The following TFEB variants were observed in gnomAD, a reference collection of about 807,000 sequenced individuals.
TFEB encodes the protein T-cell transcription factor EB.
In TFEB, 12 loss-of-function variants were observed where a neutral mutation model predicts 48.0. The observed-to-expected ratio is 0.25, with a 90% CI of 0.16 to 0.40. The LOEUF is 0.40. TFEB is among the 10% of genes least tolerant of loss of function. TFEB has a pLI of 1.00. For missense variants in TFEB, 509 were observed against 640.3 expected (o/e 0.79, Z 2.21); for synonymous variants, 244 against 261.4 (o/e 0.93, Z 0.64).
chr6:41,707,145 TG>T (rs1770266976), intron 1 of TFEB, among the ~76,000 whole-genome samples: 1 of 152,184 alleles, frequency 6.6e-6, no homozygotes, highest in South Asian at 2.1e-4. Context: ...GGACCCAAGA[TG>T]CTTGAGCTCA....
At chr6:41,729,035 CCT>C (rs902746439) in intron 1 of TFEB, among the ~76,000 whole-genome samples, 3 of 152,042 alleles carry the variant, frequency 2.0e-5, no homozygotes, top group Non-Finnish European at 4.4e-5. Flanking sequence ...ACAGCAAACC[CCT>C]GTGCCCAGTC....
Position 41,687,143 on chromosome 6 carries a change from T to G in TFEB, c.754A>C (p.Asn252His). 1 of 1,614,110 alleles carries G rather than the reference T, an allele frequency of 6.2e-7. No homozygotes were observed. The highest frequency in any genetic ancestry group is 8.5e-7 in the Non-Finnish European group (1 of 1,180,026). Residue 252 changes from asparagine to histidine, a missense_variant, in exon 7 of 9, where the codon AAT (asparagine) becomes CAT (histidine). Coordinates refer to ENST00000373033, the MANE Select transcript of TFEB (RefSeq NM_001271944.2). ...ATTCCCAACTCCTTGATGCGGTCAT[T>G]GATGTTGAACCTTCGTCTCCTTTCA... Reference protein sequence around the residue: ...LIERRRRFNINDRIKELGMLI... With the variant: ...LIERRRRFNIHDRIKELGMLI...
intron 6 of TFEB, among the ~76,000 whole-genome samples, chr6:41,687,381 G>A (rs1407683866): frequency 6.6e-6 from 1 of 152,222 alleles, no homozygotes; most frequent in Non-Finnish European, 1.5e-5. Context: ...AGCACTGAAA[G>A]GTAGAATCAG....
At chr6:41,700,867 G>A (rs537353454) in intron 1 of TFEB, among the ~76,000 whole-genome samples, 3 of 152,298 alleles carry the variant, frequency 2.0e-5, no homozygotes, top group Non-Finnish European at 2.9e-5. Flanking sequence ...CAGACTGTTG[G>A]CCCGGGACAA....
At chr6:41,733,837 C>A in intron 1 of TFEB, 1 of 985,672 alleles carries the variant, frequency 1.0e-6, no homozygotes, top group Non-Finnish European at 1.2e-6. Context: ...GCGTTCTAAC[C>A]GAGCGCATCC....
intron 1 of TFEB, chr6:41,735,132 G>A (rs1771625024): frequency 2.0e-5 from 19 of 962,784 alleles, no homozygotes; most frequent in Non-Finnish European, 2.3e-5. Flanking sequence ...GGCCGAGGGG[G>A]CTCCCGGCTC....
At chr6:41,692,655 T>C (rs1022148296) in intron 1 of TFEB, among the ~76,000 whole-genome samples, 1 of 152,030 alleles carries the variant, frequency 6.6e-6, no homozygotes, top group African/African-American at 2.4e-5. Flanking sequence ...CCTGGGTAAG[T>C]CCCCTCCCCC....
chr6:41,689,590 A>G (rs2073156), intron 4 of TFEB, 141 bp downstream of exon 4: 460,775 of 631,178 alleles, frequency 0.73, 169,418 homozygotes, highest in African/African-American at 0.84. Flanking sequence ...ACATTATTTA[A>G]TGAAAATGAC....
chr6:41,687,797 C>G lies in TFEB; in HGVS notation c.683G>C (p.Arg228Thr), dbSNP rs1283565397. The G allele has an allele frequency of 6.2e-7, 1 of 1,613,966 alleles. No individual in the cohort carries two copies. Among genetic ancestry groups the G allele is most frequent in the Admixed American group, 1.7e-5 (1 of 60,004 alleles). ...QKRELTDAES[R>T]ALAKERQKKD... ...CTTCTGCCGCTCCTTGGCCAGGGCC[C>G]TGCTCTCAGCATCTGGAGGCCAAAA... Residue 228 changes from arginine to threonine, a missense_variant, in exon 6 of 9, where the codon AGG becomes ACG. This residue lies in a region of TFEB where 251 missense variants were observed against 317.2 expected (regional missense o/e 0.79). Transcript: ENST00000373033.
Position 41,686,990 on chromosome 6 carries a change from A to G in TFEB, c.803+104T>C, listed in dbSNP as rs116793462. 550 of 944,648 alleles carry G rather than the reference A, an allele frequency of 5.8e-4. 2 individuals carry two copies. In the African/African-American group the frequency reaches 8.1e-3, roughly 14 times the overall value. 58.5% of individuals were successfully genotyped at this position (944,648 alleles called of 1,614,324 possible). On this transcript the variant is annotated intron_variant, in intron 7 of 8. Transcript: ENST00000373033. ...TCAAATAGATGAACTTCTAGAAGGA[A>G]TTCTCCTCCCATCCTAGTAACTAGC...
chr6:41,695,620 C>G (rs1021476121), intron 1 of TFEB, among the ~76,000 whole-genome samples: 4 of 152,144 alleles, frequency 2.6e-5, no homozygotes, highest in Non-Finnish European at 5.9e-5. Context: ...GCTCACAGCC[C>G]CCACTCTTTA....
chr6:41,684,415 T>G lies in TFEB; in HGVS notation c.*184A>C. 6.4e-6 allele frequency: 4 copies of G among 625,944 alleles called. No homozygotes were observed. The highest frequency in any genetic ancestry group is 7.7e-5 in the South Asian group (2 of 25,982). The allele number at this position is 625,944 out of a possible 1,614,324, so 38.8% of individuals were successfully genotyped here. A position where few individuals can be genotyped will look rare whatever the true frequency, so the allele number is the denominator to read the frequency against. On this transcript the variant is annotated 3_prime_UTR_variant, in exon 9 of 9. Transcript: ENST00000373033. ...CCAGTCAAGAGGGCTGCCCTGGGGG[T>G]GCTTCTCCTGACCCCACAGGCTGCC...
chr6:41,723,751 C>T lies in TFEB; in HGVS notation c.-23+11599G>A, dbSNP rs993069676. 1.1e-5 allele frequency: 4 copies of T among 374,086 alleles called. No individual in the cohort carries two copies. Among genetic ancestry groups the T allele is most frequent in the Admixed American group, 3.7e-5 (1 of 27,340 alleles). 23.2% of individuals were successfully genotyped at this position (374,086 alleles called of 1,614,324 possible). A position where few individuals can be genotyped will look rare whatever the true frequency, so the allele number is the denominator to read the frequency against. On this transcript the variant is annotated intron_variant, in intron 1 of 8. Coordinates refer to ENST00000373033, the MANE Select transcript of TFEB (RefSeq NM_001271944.2). This position sits in a 1 kb window ranked among gnomAD's most constrained non-coding sequence, Gnocchi z 6.0. ...ACAGACTGCTTCAATCTCACCCGCCCGGCTCCAGGCGCCCACAGCGCTCCT... is the reference window on the plus strand; with the variant it reads ...ACAGACTGCTTCAATCTCACCCGCCTGGCTCCAGGCGCCCACAGCGCTCCT...
intron 1 of TFEB, among the ~76,000 whole-genome samples, chr6:41,703,197 G>A (rs775865943): frequency 7.2e-5 from 11 of 152,244 alleles, no homozygotes; most frequent in African/African-American, 1.4e-4. Context: ...GGGAAGGCTC[G>A]TTGACTCCAA....
chr6:41,729,368 CTG>C (rs943809231), intron 1 of TFEB, among the ~76,000 whole-genome samples: 3 of 152,190 alleles, frequency 2.0e-5, no homozygotes, highest in South Asian at 2.1e-4. Flanking sequence ...CAGCTTATTT[CTG>C]TGTGTGTCTG....
rs905204992 is a variant in TFEB, at chr6:41,734,935, G to C, written c.-23+415C>G. Reference sequence around the variant, plus strand: ...CTCTCAGGCATCGCCGGCCCCAGCCGTGTCCGGTGGAGGGGGAGTGGGCGC... The same window carrying C: ...CTCTCAGGCATCGCCGGCCCCAGCCCTGTCCGGTGGAGGGGGAGTGGGCGC... On this transcript the variant is annotated intron_variant, in intron 1 of 8. Transcript: ENST00000373033. The surrounding 1 kb of genome is among the most constrained non-coding windows in gnomAD (Gnocchi z 4.0). 1.0e-6 allele frequency: 1 copy of C among 985,314 alleles called. No individual in the cohort carries two copies. The highest frequency in any genetic ancestry group is 1.2e-6 in the Non-Finnish European group (1 of 829,938). 61.0% of individuals were successfully genotyped at this position (985,314 alleles called of 1,614,324 possible).
At chr6:41,727,613 G>A (rs2127273790) in intron 1 of TFEB, among the ~76,000 whole-genome samples, 1 of 152,294 alleles carries the variant, frequency 6.6e-6, no homozygotes, top group South Asian at 2.1e-4. Context: ...GATTGCTTGA[G>A]CCCAGAAGGT....
At chr6:41,714,147 GTGCA>G (rs1770617431) in intron 1 of TFEB, among the ~76,000 whole-genome samples, 1 of 149,472 alleles carries the variant, frequency 6.7e-6, no homozygotes, top group Non-Finnish European at 1.5e-5. Flanking sequence ...GTGCGTGTGT[GTGCA>G]TGTGCATGCG....
In TFEB at chr6:41,691,122, A is replaced by G; in HGVS notation, c.92T>C (p.Met31Thr). Reference protein sequence around the residue: ...QRERMQQQAVMHYMQQQQQQQ... With the variant: ...QRERMQQQAVTHYMQQQQQQQ... ...CTGCTGCTGCTGCTGCATGTAATGCATGACAGCCTGTTGCTGCATGCGCTC... is the reference window on the plus strand; with the variant it reads ...CTGCTGCTGCTGCTGCATGTAATGCGTGACAGCCTGTTGCTGCATGCGCTC... Residue 31 changes from methionine to threonine, a missense_variant, in exon 2 of 9, where the codon ATG (methionine) becomes ACG (threonine). Physicochemically the swap from Met to Thr is moderately conservative, Grantham distance 81 (BLOSUM62 -1). Around this residue, in one of 4 missense-constraint regions of TFEB, gnomAD observed 251 missense variants for 317.2 expected, o/e 0.79. Coordinates refer to ENST00000373033, the MANE Select transcript of TFEB (RefSeq NM_001271944.2). The surrounding 1 kb of genome is among the most constrained non-coding windows in gnomAD (Gnocchi z 5.2). The G allele has an allele frequency of 6.3e-7, 1 of 1,586,566 alleles. No individual in the cohort carries two copies. The highest frequency in any genetic ancestry group is 8.6e-7 in the Non-Finnish European group (1 of 1,165,022).
Sources: gnomAD v4.1 joint callset for allele counts (sites outside exome capture counted in the v4.1 genomes callset) on GRCh38, gnomAD v4.1.1 for gene constraint, gnomAD v4.1.1 regional missense constraint, Gnocchi (gnomAD v3.1) non-coding constraint, MANE v1.5 for transcripts, NCBI Gene and HGNC (gene_info 2026-07-23, HGNC 2026-07-21) for gene names.